The following UBE2E2 variants were observed in gnomAD, a reference collection of about 807,000 sequenced individuals.
The protein encoded by UBE2E2 is ubiquitin-conjugating enzyme E2 E2.
In UBE2E2, 6 loss-of-function variants were observed where a neutral mutation model predicts 24.7. That is an observed-to-expected ratio of 0.24 (90% confidence interval 0.13 to 0.48). UBE2E2 has a LOEUF of 0.48. UBE2E2 is among the 20% of genes least tolerant of loss of function. The pLI is 0.99. For synonymous variants in UBE2E2, 104 were observed against 83.6 expected, an observed-to-expected ratio of 1.24 and a Z score of -1.33; for missense variants, 169 against 245.0, an observed-to-expected ratio of 0.69 and a Z score of 2.07.
intron 4 of UBE2E2, among the ~76,000 whole-genome samples, chr3:23,528,416 C>T (rs913918261): frequency 4.6e-5 from 7 of 152,184 alleles, no homozygotes; most frequent in African/African-American, 1.7e-4. Flanking sequence ...AGACAGTACA[C>T]TCTGAAAAGA....
At chr3:23,229,115 C>T (rs1696906929) in intron 3 of UBE2E2, among the ~76,000 whole-genome samples, 1 of 152,182 alleles carries the variant, frequency 6.6e-6, no homozygotes, top group South Asian at 2.1e-4. Context: ...CCCTGCATTT[C>T]AGGTAGCATT....
chr3:23,515,799 GAA>G (rs201490292), intron 4 of UBE2E2, among the ~76,000 whole-genome samples: 49 of 120,610 alleles, frequency 4.1e-4, no homozygotes, highest in Admixed American at 3.5e-4. Context: ...TCTACAAAAA[GAA>G]AAAAAAAAAA....
At chr3:23,428,523 G>A (rs1697982340) in intron 3 of UBE2E2, among the ~76,000 whole-genome samples, 1 of 152,028 alleles carries the variant, frequency 6.6e-6, no homozygotes, top group Non-Finnish European at 1.5e-5. Context: ...AAAGTAAGCA[G>A]AAGTAAAGAA....
intron 3 of UBE2E2, among the ~76,000 whole-genome samples, chr3:23,269,752 G>T (rs1419384360): frequency 1.3e-5 from 2 of 152,164 alleles, no homozygotes; most frequent in Non-Finnish European, 2.9e-5. Context: ...CTCTTCATGG[G>T]TAGAGTGCAG....
chr3:23,370,266 A>T (rs1696369664), intron 3 of UBE2E2, among the ~76,000 whole-genome samples: 1 of 152,092 alleles, frequency 6.6e-6, no homozygotes, highest in Non-Finnish European at 1.5e-5. Flanking sequence ...TTCTGTCTTT[A>T]AGTTTGTTAT....
intron 3 of UBE2E2, among the ~76,000 whole-genome samples, chr3:23,451,496 G>A (rs2125416523): frequency 6.6e-6 from 1 of 152,224 alleles, no homozygotes; most frequent in Middle Eastern, 3.4e-3. Context: ...TTGATAGCCA[G>A]GAAATTTAGG....
At chr3:23,482,379 C>G (rs1241380323) in intron 3 of UBE2E2, among the ~76,000 whole-genome samples, 2 of 152,138 alleles carry the variant, frequency 1.3e-5, no homozygotes, top group African/African-American at 4.8e-5. Context: ...CTTATCATCT[C>G]TTTCCACCAG....
intron 3 of UBE2E2, among the ~76,000 whole-genome samples, chr3:23,298,906 T>A (rs1185191104): frequency 6.6e-6 from 1 of 152,228 alleles, no homozygotes; most frequent in African/African-American, 2.4e-5. Flanking sequence ...TGGCTGTGAA[T>A]TCATCTGGTC....
intron 3 of UBE2E2, among the ~76,000 whole-genome samples, chr3:23,308,721 T>C (rs1699299748): frequency 2.0e-5 from 3 of 152,202 alleles, no homozygotes; most frequent in Admixed American, 2.0e-4. Flanking sequence ...AAAGAGAATT[T>C]GTTAGGGAGA....
intron 3 of UBE2E2, among the ~76,000 whole-genome samples, chr3:23,395,698 G>A (rs1204210277): frequency 1.3e-5 from 2 of 152,096 alleles, no homozygotes; most frequent in Non-Finnish European, 2.9e-5. Context: ...ATGCTAACAA[G>A]GGCATAGTCT....
chr3:23,239,442 T>A (rs1697201526), intron 3 of UBE2E2, among the ~76,000 whole-genome samples: 1 of 150,604 alleles, frequency 6.6e-6, no homozygotes, highest in Non-Finnish European at 1.5e-5. Context: ...CATTCCCCCC[T>A]CCCCCCCAGC....
chr3:23,303,648 G>T (rs1307802362), intron 3 of UBE2E2, among the ~76,000 whole-genome samples: 1 of 152,150 alleles, frequency 6.6e-6, no homozygotes, highest in Non-Finnish European at 1.5e-5. Context: ...TTATGCATGA[G>T]TGAGGGGTGC....
rs577020898 is a variant in UBE2E2, at chr3:23,535,814, G to A, written c.508+3113G>A. Among the ~76,000 whole-genome samples the A allele has an allele frequency of 3.8e-3, 584 of 152,046 alleles. 5 individuals are homozygous for A. Among genetic ancestry groups the A allele is most frequent in the African/African-American group, 0.012 (508 of 41,478 alleles). On this transcript the variant is annotated intron_variant, in intron 5 of 5. Coordinates refer to ENST00000396703, the MANE Select transcript of UBE2E2 (RefSeq NM_152653.4). Reference sequence around the variant, plus strand: ...TTTTTTGTATTTTTAGTAGAGACAAGGCTTCACCGTGTTAGCCAGGATGGT... The same window carrying A: ...TTTTTTGTATTTTTAGTAGAGACAAAGCTTCACCGTGTTAGCCAGGATGGT...
chr3:23,223,156 A>G (rs879861753), intron 3 of UBE2E2, among the ~76,000 whole-genome samples: 10 of 146,372 alleles, frequency 6.8e-5, no homozygotes, highest in Non-Finnish European at 7.4e-5. Flanking sequence ...AGTAGCTGAG[A>G]CTACAGGTAC....
chr3:23,407,580 C>G lies in UBE2E2; in HGVS notation c.228-92028C>G, dbSNP rs890164331. On this transcript the variant is annotated intron_variant, in intron 3 of 5. Coordinates refer to ENST00000396703, the MANE Select transcript of UBE2E2 (RefSeq NM_152653.4). The surrounding 1 kb of genome is among the most constrained non-coding windows in gnomAD (Gnocchi z 4.0). ...TATCTCCTCTGCGCCCCTCCCTCTA[C>G]TTTTTATGGTTTGTATGTTTGTTTT... is the stretch of plus-strand genomic sequence containing the variant. Among the ~76,000 whole-genome samples, 4 of 150,804 alleles carry G rather than the reference C, an allele frequency of 2.7e-5. No homozygotes were observed. The highest frequency in any genetic ancestry group is 2.7e-4 in the Admixed American group (4 of 15,092).
chr3:23,590,300 A>G lies in UBE2E2; in HGVS notation c.*469A>G, dbSNP rs1160827598. 1 of 156,016 alleles carries G rather than the reference A, an allele frequency of 6.4e-6. No individual in the cohort carries two copies. Among genetic ancestry groups the G allele is most frequent in the African/African-American group, 2.4e-5 (1 of 41,424 alleles). The allele number at this position is 156,016 out of a possible 1,614,324, so 9.7% of individuals were successfully genotyped here. On this transcript the variant is annotated 3_prime_UTR_variant, in exon 6 of 6. Coordinates refer to ENST00000396703, the MANE Select transcript of UBE2E2 (RefSeq NM_152653.4). ...TACTTAAATGTAGTGCTTAGGGTTA[A>G]TTTTTTGTACTGAAGTCTTTATTGG...
intron 4 of UBE2E2, among the ~76,000 whole-genome samples, chr3:23,502,632 A>T (rs944677375): frequency 2.6e-5 from 4 of 152,198 alleles, no homozygotes; most frequent in Admixed American, 2.6e-4. Flanking sequence ...AAAATCAGAG[A>T]TGAGCTATTC....
chr3:23,422,072 G>T (rs1303857987), intron 3 of UBE2E2, among the ~76,000 whole-genome samples: 1 of 152,062 alleles, frequency 6.6e-6, no homozygotes, highest in Non-Finnish European at 1.5e-5. Flanking sequence ...CTAATGAGCT[G>T]TTTTGTTGTA....
intron 5 of UBE2E2, among the ~76,000 whole-genome samples, chr3:23,554,465 T>C (rs1267422047): frequency 6.6e-6 from 1 of 152,100 alleles, no homozygotes; most frequent in Non-Finnish European, 1.5e-5. Flanking sequence ...CAGTGAGCTA[T>C]GATCACACTG....
Sources: allele counts gnomAD v4.1 joint callset (sites outside exome capture counted in the v4.1 genomes callset), GRCh38; gene constraint gnomAD v4.1.1; non-coding constraint Gnocchi (gnomAD v3.1); transcripts MANE v1.5; gene names NCBI Gene and HGNC (gene_info 2026-07-23, HGNC 2026-07-21).